The following NDRG1 variants were observed in gnomAD, a reference collection of about 807,000 sequenced individuals.
NDRG1 encodes protein NDRG1.
A neutral mutation model predicts 56.9 loss-of-function variants in NDRG1; 32 were observed. The observed-to-expected ratio is 0.56, with a 90% CI of 0.42 to 0.76. The LOEUF (loss-of-function observed/expected upper bound fraction) is 0.76. Among genes scored for constraint, NDRG1 ranks in the 30% least tolerant of loss-of-function variants. The pLI is 0.00. For synonymous variants in NDRG1, 211 were observed against 204.1 expected, an observed-to-expected ratio of 1.03 and a Z score of -0.29; for missense variants, 507 against 545.7, an observed-to-expected ratio of 0.93 and a Z score of 0.71.
At chr8:133,257,010 T>G (rs1318780186) in intron 7 of NDRG1, 147 bp from the exon 8 acceptor site, 3 of 760,574 alleles carry the variant, frequency 3.9e-6, no homozygotes, top group Non-Finnish European at 6.8e-6. Flanking sequence ...CCCCACCCCA[T>G]GCAAAACTGA....
chr8:133,246,771 G>A (rs1370699755), intron 12 of NDRG1, 108 bp from the exon 13 acceptor site: 1 of 1,039,398 alleles, frequency 9.6e-7, no homozygotes, highest in Non-Finnish European at 1.5e-6. Flanking sequence ...CAGTATTTCT[G>A]CTGGCAAAGA....
chr8:133,239,222 G>A (rs1240704079), intron 15 of NDRG1, 103 bp from the exon 16 acceptor site: 6 of 1,513,550 alleles, frequency 4.0e-6, no homozygotes, highest in Non-Finnish European at 5.3e-6. Context: ...GCCAGCCCCA[G>A]AGAAGACTTG....
rs1471004032 is a variant in NDRG1, at chr8:133,281,992, C to G, written c.64-1725G>C. ...ACACAAGGAAGAACTTCCCAATAGT[C>G]AAGCCTAACTCTAAATACTTTGCTG... On this transcript the variant is annotated intron_variant, in intron 2 of 15. Transcript: ENST00000323851. Among the ~76,000 whole-genome samples, 3 of 152,250 alleles carry G rather than the reference C, an allele frequency of 2.0e-5. No individual in the cohort carries two copies. The East Asian group carries it at 5.8e-4, about 29-fold the overall frequency.
At chr8:133,275,581 C>T (rs556239573) in intron 3 of NDRG1, among the ~76,000 whole-genome samples, 201 of 152,286 alleles carry the variant, frequency 1.3e-3, no homozygotes, top group Non-Finnish European at 1.9e-3. Context: ...CCTAAGACAG[C>T]ACCCCAGCCA....
chr8:133,258,542 G>T, intron 6 of NDRG1, 116 bp from the exon 7 acceptor site: 1 of 948,858 alleles, frequency 1.1e-6, no homozygotes, highest in Non-Finnish European at 1.7e-6. Context: ...GGAGCATGCT[G>T]CCGTAACTGC....
intron 3 of NDRG1, among the ~76,000 whole-genome samples, chr8:133,272,311 G>A (rs1554593421): frequency 2.0e-5 from 3 of 152,218 alleles, no homozygotes; most frequent in Non-Finnish European, 2.9e-5. Flanking sequence ...GTGAAGAGAT[G>A]GAGCAGACCC....
intron 5 of NDRG1, 109 bp downstream of exon 5, chr8:133,261,938 T>G (rs1856678560): frequency 1.4e-6 from 2 of 1,423,118 alleles, no homozygotes; most frequent in African/African-American, 2.9e-5. Flanking sequence ...AGATGATACG[T>G]TTTATATTTT....
intron 1 of NDRG1, among the ~76,000 whole-genome samples, chr8:133,285,898 G>C (rs1242621787): frequency 6.6e-6 from 1 of 152,362 alleles, no homozygotes; most frequent in African/African-American, 2.4e-5. Context: ...GTGGTCCCAA[G>C]ACCCTGGCCT....
At chr8:133,281,915 A>T (rs1857829317) in intron 2 of NDRG1, among the ~76,000 whole-genome samples, 1 of 152,204 alleles carries the variant, frequency 6.6e-6, no homozygotes, top group Non-Finnish European at 1.5e-5. Context: ...TACAGCAAAC[A>T]CCAACCTTCA....
chr8:133,272,133 T>C (rs766621866), intron 3 of NDRG1, among the ~76,000 whole-genome samples: 28 of 152,212 alleles, frequency 1.8e-4, no homozygotes, highest in Non-Finnish European at 3.2e-4. Context: ...TTCTTTTATG[T>C]TGACATCAGG....
chr8:133,279,117 T>A (rs3206040), intron 3 of NDRG1, among the ~76,000 whole-genome samples: 1 of 152,214 alleles, frequency 6.6e-6, no homozygotes, highest in Non-Finnish European at 1.5e-5. Flanking sequence ...CTCGAGCTCC[T>A]GACCTCAGGT....
intron 5 of NDRG1, among the ~76,000 whole-genome samples, chr8:133,261,687 C>A (rs572131482): frequency 3.2e-4 from 49 of 152,276 alleles, no homozygotes; most frequent in African/African-American, 1.2e-3. Flanking sequence ...GAAGTCCTGT[C>A]CAGGCTGAGC....
At chr8:133,284,494 GC>G (rs748940160) in intron 1 of NDRG1, among the ~76,000 whole-genome samples, 165 bp from the exon 2 acceptor site, 7 of 152,174 alleles carry the variant, frequency 4.6e-5, no homozygotes, top group Non-Finnish European at 1.0e-4. Context: ...TGTACACACA[GC>G]CCATGGACCC....
Position 133,250,429 on chromosome 8 carries a change from C to T in NDRG1, c.698+11G>A. On this transcript the variant is annotated intron_variant, in intron 10 of 15. Transcript: ENST00000323851. ...AAATAGCAATGATGTGGCTGAACTACATCCCAATACCTGTTGTAGGCATTG... is the reference window on the plus strand; with the variant it reads ...AAATAGCAATGATGTGGCTGAACTATATCCCAATACCTGTTGTAGGCATTG... 2 of 1,608,930 alleles carry T rather than the reference C, an allele frequency of 1.2e-6. No homozygotes were observed. The highest frequency in any genetic ancestry group is 1.7e-6 in the Non-Finnish European group (2 of 1,175,266).
At chr8:133,291,805 C>A (rs1858443617) in intron 1 of NDRG1, among the ~76,000 whole-genome samples, 1 of 152,144 alleles carries the variant, frequency 6.6e-6, no homozygotes, top group African/African-American at 2.4e-5. Context: ...AGAAGGTGAA[C>A]CCCACTGTCT....
chr8:133,266,215 A>G (rs534882979), intron 3 of NDRG1, among the ~76,000 whole-genome samples: 90 of 152,354 alleles, frequency 5.9e-4, no homozygotes, highest in African/African-American at 2.2e-3. Flanking sequence ...GCTTCTCAGC[A>G]CTTGACCCGC....
At chr8:133,267,822 C>A (rs957913595) in intron 3 of NDRG1, among the ~76,000 whole-genome samples, 2 of 152,166 alleles carry the variant, frequency 1.3e-5, no homozygotes, top group Non-Finnish European at 2.9e-5. Flanking sequence ...CGCCTGCACC[C>A]CAGACTCCAT....
intron 8 of NDRG1, 85 bp downstream of exon 8, chr8:133,256,692 C>T (rs925373594): frequency 1.9e-5 from 25 of 1,322,800 alleles, no homozygotes; most frequent in Non-Finnish European, 2.7e-5. Context: ...GAGCTCGTAG[C>T]TCCAGGGATC....
At position 133,264,696 on chromosome 8, in the gene NDRG1, T is replaced by C. The variant is rs373103391; in HGVS notation, c.100-44A>G. On this transcript the variant is annotated intron_variant, in intron 3 of 15. Transcript: ENST00000323851. ...CAGTGGGCTGGTCATGTGGGGTTCA[T>C]GGCATCCGCGTGGCTGAAGACAGCC... 2.0e-5 allele frequency: 31 copies of C among 1,544,196 alleles called. No homozygotes were observed. The African/African-American group carries it at 3.5e-4, about 18-fold the overall frequency.
Sources: allele counts gnomAD v4.1 joint callset (sites outside exome capture counted in the v4.1 genomes callset), GRCh38; gene constraint gnomAD v4.1.1; transcripts MANE v1.5; gene names NCBI Gene and HGNC (gene_info 2026-07-23, HGNC 2026-07-21).